GABRA4: variants seen among roughly 807,000 people sequenced by gnomAD.
GABRA4 encodes gamma-aminobutyric acid type A receptor subunit alpha4.
GABRA4 carries 12 observed loss-of-function variants against 49.7 expected under a neutral mutation model. The observed-to-expected ratio is 0.24, with a 90% CI of 0.15 to 0.39. The LOEUF (loss-of-function observed/expected upper bound fraction) is 0.39. Among genes scored for constraint, GABRA4 ranks in the 10% least tolerant of loss-of-function variants. The pLI, the probability that GABRA4 is intolerant of heterozygous loss-of-function variation, is 1.00. For synonymous variants in GABRA4, 288 were observed against 240.2 expected, an observed-to-expected ratio of 1.20 and a Z score of -1.84; for missense variants, 506 against 686.0, an observed-to-expected ratio of 0.74 and a Z score of 2.93.
At chr4:46,953,010 T>C (rs190935860) in intron 8 of GABRA4, among the ~76,000 whole-genome samples, 24 of 152,218 alleles carry the variant, frequency 1.6e-4, no homozygotes, top group Admixed American at 3.3e-4. Flanking sequence ...AGCACCTGGC[T>C]ATGTGTTAGG....
At chr4:46,977,276 A>AGGAAGGGAG in intron 4 of GABRA4, 133 bp from the exon 5 acceptor site, 2 of 339,806 alleles carry the variant, frequency 5.9e-6, no homozygotes, top group Non-Finnish European at 1.0e-5. Flanking sequence ...AAGGAAGGGA[A>AGGAAGGGAG]GGAGGAAGGG....
intron 8 of GABRA4, among the ~76,000 whole-genome samples, chr4:46,964,688 A>G (rs1313695408): frequency 1.3e-5 from 2 of 151,798 alleles, no homozygotes; most frequent in Admixed American, 1.3e-4. Context: ...AATAGTATAC[A>G]TGGGATTTTG....
intron 8 of GABRA4, among the ~76,000 whole-genome samples, chr4:46,946,073 C>T (rs769910636): frequency 1.8e-4 from 27 of 152,100 alleles, no homozygotes; most frequent in Non-Finnish European, 3.5e-4. Flanking sequence ...ATTTTGAAAA[C>T]AACAACAAAA....
At chr4:46,942,044 T>G (rs1182697847) in intron 8 of GABRA4, among the ~76,000 whole-genome samples, 1 of 152,164 alleles carries the variant, frequency 6.6e-6, no homozygotes, top group Non-Finnish European at 1.5e-5. Context: ...CAATCAGATG[T>G]CTTAAAGGCA....
chr4:46,979,912 G>T (rs1723287899), intron 2 of GABRA4, among the ~76,000 whole-genome samples: 1 of 152,108 alleles, frequency 6.6e-6, no homozygotes, highest in South Asian at 2.1e-4. Context: ...TGGCAGAAGA[G>T]AAATGTGGGA....
Position 46,964,978 on chromosome 4 carries a change from G to A in GABRA4, c.1126C>T (p.Pro376Ser). The A allele has an allele frequency of 6.3e-7, 1 of 1,595,806 alleles. No homozygotes were observed. Among genetic ancestry groups the A allele is most frequent in the South Asian group, 1.1e-5 (1 of 88,716 alleles). ...TGGATTAAGTCAAATACCTGCAGAG[G>A]GGCTTCAGGATGCTTCTCTCTCTGC... ...PVQREKHPEAPLQNTNANLNM... is the reference protein window; with the variant it reads ...PVQREKHPEASLQNTNANLNM... The change falls in exon 8 of 9, where the codon CCT becomes TCT. Residue 376 changes from proline (P) to serine (S), a missense_variant. Coordinates refer to ENST00000264318, the MANE Select transcript of GABRA4 (RefSeq NM_000809.4).
chr4:46,955,207 CAT>C (rs752715230), intron 8 of GABRA4, among the ~76,000 whole-genome samples: 37 of 152,094 alleles, frequency 2.4e-4, no homozygotes, highest in Non-Finnish European at 4.4e-4. Context: ...ACATAACACA[CAT>C]ACACACCCTA....
At chr4:46,977,018 T>G (rs962278882) in intron 5 of GABRA4, 43 bp downstream of exon 5, 4 of 1,065,282 alleles carry the variant, frequency 3.8e-6, no homozygotes, top group Non-Finnish European at 5.8e-6. Flanking sequence ...TTAGCTTGCA[T>G]GAGGTAATCA....
intron 5 of GABRA4, among the ~76,000 whole-genome samples, chr4:46,975,023 T>C (rs1723090362): frequency 6.6e-6 from 1 of 151,950 alleles, no homozygotes; most frequent in Admixed American, 6.6e-5. Flanking sequence ...ACATTTCCCC[T>C]TACATCTTCA....
rs1003904783 is a variant in GABRA4, at chr4:46,964,988, A to G, written c.1116T>C (p.His372=). The G allele has an allele frequency of 1.2e-6, 2 of 1,603,972 alleles. No individual in the cohort carries two copies. The highest frequency in any genetic ancestry group is 1.7e-4 in the Middle Eastern group (1 of 5,994). The change falls in exon 8 of 9, where the codon CAT becomes CAC. Residue 372 remains histidine (H), a synonymous_variant. Coordinates refer to ENST00000264318, the MANE Select transcript of GABRA4 (RefSeq NM_000809.4). ...VPAAPVQREK[H]PEAPLQNTNA... ...CAAATACCTGCAGAGGGGCTTCAGG[A>G]TGCTTCTCTCTCTGCACTGGAGCAG...
At position 46,928,289 on chromosome 4, in the gene GABRA4, T is replaced by C; in HGVS notation, c.1601A>G (p.Asn534Ser). 1 of 1,613,312 alleles carries C rather than the reference T, an allele frequency of 6.2e-7. No homozygotes were observed. Among genetic ancestry groups the C allele is most frequent in the Non-Finnish European group, 8.5e-7 (1 of 1,179,530 alleles). The change falls in exon 9 of 9, where the codon AAC becomes AGC. Residue 534 changes from asparagine (N) to serine (S), a missense_variant. By Grantham distance (46) the Asn-to-Ser change is conservative. Coordinates refer to ENST00000264318, the MANE Select transcript of GABRA4 (RefSeq NM_000809.4). Reference protein sequence around the residue: ...ILFPVTFGAFNMVYWVVYLSK... With the variant: ...ILFPVTFGAFSMVYWVVYLSK... ...TAAATAAACAACCCAATAAACCATG[T>C]TAAATGCCCCAAATGTGACTGGAAA...
intron 8 of GABRA4, among the ~76,000 whole-genome samples, chr4:46,932,946 T>C (rs749436228): frequency 8.5e-5 from 13 of 152,126 alleles, no homozygotes; most frequent in Non-Finnish European, 1.9e-4. Flanking sequence ...ATATCTACTA[T>C]TGGATAAGTT....
At chr4:46,974,525 T>A in intron 5 of GABRA4, 150 bp from the exon 6 acceptor site, 1 of 685,510 alleles carries the variant, frequency 1.5e-6, no homozygotes, top group Non-Finnish European at 2.2e-6. Flanking sequence ...TAGTTCACTA[T>A]AATTTAGTCA....
intron 8 of GABRA4, among the ~76,000 whole-genome samples, chr4:46,942,990 A>G (rs1721868064): frequency 6.6e-6 from 1 of 152,018 alleles, no homozygotes; most frequent in Admixed American, 6.6e-5. Flanking sequence ...GTCATACCAA[A>G]CTTTTAATTT....
chr4:46,975,701 C>A (rs995408393), intron 5 of GABRA4, among the ~76,000 whole-genome samples: 3 of 151,852 alleles, frequency 2.0e-5, no homozygotes, highest in African/African-American at 7.2e-5. Flanking sequence ...CTGAAGAGAG[C>A]TTTTTCTGAG....
intron 5 of GABRA4, 95 bp from the exon 6 acceptor site, chr4:46,974,470 G>A: frequency 1.7e-6 from 2 of 1,149,874 alleles, no homozygotes; most frequent in Non-Finnish European, 2.4e-6. Context: ...CAAGAAAGAT[G>A]GAATAAATGA....
At chr4:46,968,006 G>A (rs1396580485) in intron 7 of GABRA4, among the ~76,000 whole-genome samples, 1 of 151,484 alleles carries the variant, frequency 6.6e-6, no homozygotes, top group Non-Finnish European at 1.5e-5. Flanking sequence ...GAGATTTTTA[G>A]GACACTCTGC....
intron 8 of GABRA4, among the ~76,000 whole-genome samples, chr4:46,939,785 T>C (rs1303082780): frequency 6.6e-6 from 1 of 151,984 alleles, no homozygotes; most frequent in African/African-American, 2.4e-5. Flanking sequence ...ACAAAAAATT[T>C]TCTCATGATT....
chr4:46,988,169 C>T (rs1723609097), intron 2 of GABRA4, among the ~76,000 whole-genome samples: 1 of 152,210 alleles, frequency 6.6e-6, no homozygotes, highest in Non-Finnish European at 1.5e-5. Flanking sequence ...CCAGGAACAC[C>T]AAATCTGAAA....
Sources: gnomAD v4.1 joint callset for allele counts (sites outside exome capture counted in the v4.1 genomes callset) on GRCh38, gnomAD v4.1.1 for gene constraint, MANE v1.5 for transcripts, NCBI Gene and HGNC (gene_info 2026-07-23, HGNC 2026-07-21) for gene names.